The following SGCZ variants were observed in gnomAD, a reference collection of about 807,000 sequenced individuals.
SGCZ encodes the protein zeta-sarcoglycan.
A neutral mutation model predicts 41.3 loss-of-function variants in SGCZ; 40 were observed. The observed-to-expected ratio is 0.97, with a 90% confidence interval of 0.75 to 1.26. SGCZ has a LOEUF of 1.26. SGCZ is among the 50% of genes most tolerant of loss of function. SGCZ has a pLI of 0.00. For missense variants in SGCZ, 552 were observed against 369.8 expected (o/e 1.49, Z -4.04); for synonymous variants, 206 against 137.5 (o/e 1.50, Z -3.49).
intron 3 of SGCZ, chr8:14,309,633 A>G (rs1268168811): frequency 6.8e-6 from 11 of 1,610,864 alleles, no homozygotes; most frequent in Non-Finnish European, 9.3e-6. Flanking sequence ...AGACACAGCT[A>G]CTAAGAGCGG....
intron 1 of SGCZ, among the ~76,000 whole-genome samples, chr8:14,972,855 A>G (rs776209507): frequency 1.3e-5 from 2 of 152,184 alleles, no homozygotes; most frequent in Non-Finnish European, 2.9e-5. Context: ...CTACATTACT[A>G]ACACTTTTCT....
intron 2 of SGCZ, among the ~76,000 whole-genome samples, chr8:14,339,042 G>A (rs1029451923): frequency 5.3e-5 from 8 of 152,144 alleles, no homozygotes; most frequent in African/African-American, 1.9e-4. Context: ...TTTCTGCCAA[G>A]TGGGAAGAAA....
intron 1 of SGCZ, among the ~76,000 whole-genome samples, chr8:15,121,744 T>C (rs1042371792): frequency 1.3e-5 from 2 of 151,278 alleles, no homozygotes; most frequent in South Asian, 4.2e-4. Context: ...GACAAATGAG[T>C]GGAAATTGTA....
rs115513597 is a variant in SGCZ, at chr8:14,753,207, C to T, written c.40-198281G>A. 2.0e-3 allele frequency among the ~76,000 whole-genome samples: 297 copies of T among 152,208 alleles called. 1 individual carries two copies. Among genetic ancestry groups the T allele is most frequent in the African/African-American group, 6.7e-3 (278 of 41,532 alleles). The stretch of plus-strand genomic sequence containing the variant: ...TCCCCACCATTATCTCTCTGTCTTA[C>T]GGAGCTAAATTAACACACTTTTCTC... On this transcript the variant is annotated intron_variant, in intron 1 of 7. Coordinates refer to ENST00000382080, the MANE Select transcript of SGCZ (RefSeq NM_139167.4).
chr8:15,127,510 G>T (rs1311795106), intron 1 of SGCZ, among the ~76,000 whole-genome samples: 1 of 152,070 alleles, frequency 6.6e-6, no homozygotes. Flanking sequence ...ACAGGAGGTT[G>T]GGAAAATAAT....
chr8:15,097,916 G>GTA (rs60363368), intron 1 of SGCZ, among the ~76,000 whole-genome samples: 178 of 80,016 alleles, frequency 2.2e-3, no homozygotes, highest in African/African-American at 7.3e-3. Flanking sequence ...ATATACGTGT[G>GTA]TATATATATA....
chr8:14,190,345 C>T (rs1805057277), intron 4 of SGCZ, among the ~76,000 whole-genome samples: 1 of 151,518 alleles, frequency 6.6e-6, no homozygotes, highest in African/African-American at 2.4e-5. Context: ...TGAATAATAT[C>T]CCATTATGTA....
intron 1 of SGCZ, among the ~76,000 whole-genome samples, chr8:14,591,201 A>G (rs2117284995): frequency 6.6e-6 from 1 of 152,044 alleles, no homozygotes; most frequent in African/African-American, 2.4e-5. Context: ...AACAATATCA[A>G]ATAAACTACC....
intron 1 of SGCZ, among the ~76,000 whole-genome samples, chr8:14,884,506 T>C (rs1450216627): frequency 1.3e-5 from 2 of 152,012 alleles, no homozygotes; most frequent in Non-Finnish European, 2.9e-5. Context: ...TAACATACAC[T>C]GGGTGTCTAT....
chr8:14,489,556 T>C (rs1801780597), intron 2 of SGCZ, among the ~76,000 whole-genome samples: 3 of 152,054 alleles, frequency 2.0e-5, no homozygotes, highest in African/African-American at 7.2e-5. Flanking sequence ...GGAGATGGTC[T>C]GGCTTTTTTA....
intron 1 of SGCZ, among the ~76,000 whole-genome samples, chr8:14,926,124 G>A (rs1038760675): frequency 1.3e-5 from 2 of 152,092 alleles, no homozygotes; most frequent in African/African-American, 4.8e-5. Context: ...GTCATTAAAC[G>A]CAAACTTTGA....
At chr8:14,906,468 G>T (rs1042962211) in intron 1 of SGCZ, among the ~76,000 whole-genome samples, 3 of 152,062 alleles carry the variant, frequency 2.0e-5, no homozygotes, top group African/African-American at 7.2e-5. Context: ...GTAGTGATAT[G>T]GCAGGTTACC....
chr8:15,163,947 G>A (rs983271243), intron 1 of SGCZ, among the ~76,000 whole-genome samples: 3 of 152,206 alleles, frequency 2.0e-5, no homozygotes, highest in African/African-American at 7.2e-5. Flanking sequence ...AGAAAGTTCA[G>A]GACGTTTACA....
chr8:14,611,512 C>T (rs1805929252), intron 1 of SGCZ, among the ~76,000 whole-genome samples: 2 of 152,040 alleles, frequency 1.3e-5, no homozygotes, highest in East Asian at 1.9e-4. Context: ...ATCAGTAATA[C>T]ATAAATAAAA....
intron 4 of SGCZ, among the ~76,000 whole-genome samples, chr8:14,169,660 G>C (rs559895110): frequency 1.3e-5 from 2 of 152,068 alleles, no homozygotes; most frequent in Non-Finnish European, 2.9e-5. Context: ...GCTATCTTTC[G>C]CTAGTAATTG....
At chr8:14,304,928 G>A (rs1171552700) in intron 3 of SGCZ, among the ~76,000 whole-genome samples, 4 of 152,142 alleles carry the variant, frequency 2.6e-5, no homozygotes, top group South Asian at 4.1e-4. Flanking sequence ...AGCTTCAGAG[G>A]TGTGTAGACT....
intron 2 of SGCZ, among the ~76,000 whole-genome samples, chr8:14,477,031 G>A (rs1801381954): frequency 6.6e-6 from 1 of 152,150 alleles, no homozygotes; most frequent in Non-Finnish European, 1.5e-5. Flanking sequence ...CTGCCTACTG[G>A]TTGCAAATAT....
At chr8:14,096,796 C>T (rs538603285) in intron 7 of SGCZ, among the ~76,000 whole-genome samples, 6 of 152,014 alleles carry the variant, frequency 3.9e-5, no homozygotes, top group Non-Finnish European at 5.9e-5. Flanking sequence ...GTTATTGGTT[C>T]ATTTAGGTAT....
intron 1 of SGCZ, among the ~76,000 whole-genome samples, chr8:15,038,021 CCATACT>C (rs1373433365): frequency 6.6e-6 from 1 of 151,930 alleles, no homozygotes; most frequent in Non-Finnish European, 1.5e-5. Context: ...GTTAAAATGT[CCATACT>C]AACGGAAGCA....
Sources: gnomAD v4.1 joint callset for allele counts (sites outside exome capture counted in the v4.1 genomes callset) on GRCh38, gnomAD v4.1.1 for gene constraint, MANE v1.5 for transcripts, NCBI Gene and HGNC (gene_info 2026-07-23, HGNC 2026-07-21) for gene names.